Variants in FEZ1 observed in about 807,000 individuals in gnomAD.
FEZ1 encodes fasciculation and elongation protein zeta-1.
A neutral mutation model predicts 49.3 loss-of-function variants in FEZ1; 20 were observed. The ratio of observed to expected loss-of-function variants is 0.41; its 90% CI spans 0.29 to 0.59. The LOEUF is 0.59. Ranked by LOEUF, FEZ1 falls within the 20% of genes least tolerant of loss-of-function variation. The pLI is 0.36. For missense variants in FEZ1, 413 were observed against 476.0 expected (o/e 0.87, Z 1.23); for synonymous variants, 170 against 180.9 (o/e 0.94, Z 0.48).
chr11:125,465,965 A>C (rs1357602139), intron 3 of FEZ1, among the ~76,000 whole-genome samples: 1 of 152,174 alleles, frequency 6.6e-6, no homozygotes, highest in Non-Finnish European at 1.5e-5. Flanking sequence ...TCTTGTGCAC[A>C]GGGTGGAGAG....
At chr11:125,493,131 A>C (rs1041749261) in intron 1 of FEZ1, among the ~76,000 whole-genome samples, 6 of 151,242 alleles carry the variant, frequency 4.0e-5, no homozygotes, top group Non-Finnish European at 5.9e-5. Flanking sequence ...GTTCAAGACC[A>C]GCCTGGCCAA....
chr11:125,450,361 C>T (rs998514263), intron 8 of FEZ1, among the ~76,000 whole-genome samples: 3 of 152,176 alleles, frequency 2.0e-5, no homozygotes, highest in African/African-American at 7.2e-5. Context: ...TTTAGACATG[C>T]CTTCATTTCA....
chr11:125,467,751 G>A (rs1288326542), intron 3 of FEZ1, among the ~76,000 whole-genome samples: 1 of 152,164 alleles, frequency 6.6e-6, no homozygotes, highest in Non-Finnish European at 1.5e-5. Context: ...GAGGTGGGAG[G>A]ATTGCTTGAG....
chr11:125,488,593 T>C (rs1485481405), intron 2 of FEZ1: 6 of 288,270 alleles, frequency 2.1e-5, no homozygotes, highest in African/African-American at 6.9e-5. Context: ...GGCAGGAGAA[T>C]AGCTTGAACC....
chr11:125,489,933 T>C lies in FEZ1; in HGVS notation c.-45-111A>G. The C allele has an allele frequency of 1.0e-6, 1 of 978,976 alleles. No individual in the cohort carries two copies. The allele number at this position is 978,976 out of a possible 1,614,324, so 60.6% of individuals were successfully genotyped here. ...TTCCCTACTCCAAAAAACAAGGCAC[T>C]GGTTAAGTACGAAGCTCCTGGACAA... On this transcript the variant is annotated intron_variant, in intron 1 of 9. Transcript: ENST00000278919. The surrounding 1 kb of genome is among the most constrained non-coding windows in gnomAD (Gnocchi z 4.2).
At chr11:125,453,030 T>C (rs983246862) in intron 7 of FEZ1, 2 of 151,584 alleles carry the variant, frequency 1.3e-5, no homozygotes, top group African/African-American at 4.9e-5. Context: ...TGATCTCGGC[T>C]CACTGCAACC....
At position 125,443,057 on chromosome 11, in the gene FEZ1, A is replaced by G. The variant is rs76121613; in HGVS notation, c.*3038T>C. The stretch of plus-strand genomic sequence containing the variant: ...GGCCCTGTGGTGGAGTTTTCTTACC[A>G]GAACTTGACCAGACTAGGCCTAGCA... On this transcript the variant is annotated 3_prime_UTR_variant, in exon 10 of 10. Transcript: ENST00000278919. Among the ~76,000 whole-genome samples, 2,450 of 152,166 alleles carry G rather than the reference A, an allele frequency of 0.016. 64 individuals are homozygous for G. The highest frequency in any genetic ancestry group is 0.055 in the African/African-American group (2,281 of 41,520).
At position 125,471,245 on chromosome 11, in the gene FEZ1, AC is replaced by A. The variant is rs112441513; in HGVS notation, c.412-7676del. 1.7e-3 allele frequency among the ~76,000 whole-genome samples: 265 copies of A among 152,262 alleles called. 1 individual carries two copies. Among genetic ancestry groups the A allele is most frequent in the African/African-American group, 6.1e-3 (253 of 41,568 alleles). On this transcript the variant is annotated intron_variant, in intron 3 of 9. Transcript: ENST00000278919. ...AGAAATGAAGACAATACGCTCCAAC[AC>A]AAATTATCAATATTATGCCAAATGT... is the stretch of plus-strand genomic sequence containing the variant.
intron 3 of FEZ1, among the ~76,000 whole-genome samples, chr11:125,468,588 C>T (rs1340360322): frequency 2.0e-5 from 3 of 152,126 alleles, no homozygotes; most frequent in African/African-American, 7.2e-5. Flanking sequence ...CCTTCCTCCT[C>T]AAACCCTACT....
chr11:125,470,091 T>G (rs964675430), intron 3 of FEZ1, among the ~76,000 whole-genome samples: 3 of 151,990 alleles, frequency 2.0e-5, no homozygotes, highest in Admixed American at 1.3e-4. Context: ...ACATGAAAGA[T>G]GAAAATGTAT....
chr11:125,449,855 A>G (rs1371714977), intron 8 of FEZ1, among the ~76,000 whole-genome samples: 1 of 152,144 alleles, frequency 6.6e-6, no homozygotes, highest in Non-Finnish European at 1.5e-5. Flanking sequence ...AAGAATTAGG[A>G]GTGAGTGAGG....
chr11:125,460,023 G>T (rs1292152704), intron 5 of FEZ1, among the ~76,000 whole-genome samples: 1 of 152,102 alleles, frequency 6.6e-6, no homozygotes, highest in African/African-American at 2.4e-5. Context: ...TTCAACCTGG[G>T]AGGTGGAGGT....
intron 1 of FEZ1, among the ~76,000 whole-genome samples, chr11:125,490,710 TAAAA>T (rs544139616): frequency 5.9e-5 from 9 of 151,744 alleles, no homozygotes; most frequent in African/African-American, 1.9e-4. Flanking sequence ...TTTATTTTTT[TAAAA>T]AAACTAATAA....
chr11:125,449,725 T>C (rs1188510574), intron 8 of FEZ1, among the ~76,000 whole-genome samples: 3 of 152,214 alleles, frequency 2.0e-5, no homozygotes, highest in Non-Finnish European at 4.4e-5. Flanking sequence ...CAACTGGCAC[T>C]GATAGCTAGG....
intron 5 of FEZ1, among the ~76,000 whole-genome samples, chr11:125,459,183 T>A (rs1253495135): frequency 6.6e-6 from 1 of 152,220 alleles, no homozygotes; most frequent in African/African-American, 2.4e-5. Flanking sequence ...ATGTAATGGG[T>A]TCCATTCATC....
intron 2 of FEZ1, among the ~76,000 whole-genome samples, chr11:125,484,236 T>A (rs527887432): frequency 6.6e-6 from 1 of 152,368 alleles, no homozygotes; most frequent in African/African-American, 2.4e-5. Flanking sequence ...AAACATGGAT[T>A]AATTCATTCA....
At chr11:125,483,811 G>A (rs656146) in intron 2 of FEZ1, among the ~76,000 whole-genome samples, 141,918 of 152,296 alleles carry the variant, frequency 0.93, 66,205 homozygotes, top group East Asian at 1. Context: ...ACTTTAACGA[G>A]CTACACACTT....
chr11:125,479,006 G>C (rs1487366459), intron 3 of FEZ1, among the ~76,000 whole-genome samples: 1 of 152,156 alleles, frequency 6.6e-6, no homozygotes, highest in African/African-American at 2.4e-5. Flanking sequence ...TTGCGGTTTG[G>C]GTAAGTACTA....
rs1957363821 is a variant in FEZ1 at position 125,489,722 on chromosome 11, C to T, written c.56G>A (p.Cys19Tyr). The change falls in exon 2 of 10, where the codon TGC (cysteine) becomes TAC (tyrosine). Residue 19 changes from cysteine to tyrosine, a missense_variant. Cys to Tyr is a radical substitution (Grantham distance 194). Transcript: ENST00000278919. The surrounding 1 kb of genome is among the most constrained non-coding windows in gnomAD (Gnocchi z 4.2). Reference sequence around the variant, plus strand: ...GGGCTTCTCCTCCGGGTCCTCCGAGCAGGAGGGTCGAAGGTCCTCAAACTC... The same window carrying T: ...GGGCTTCTCCTCCGGGTCCTCCGAGTAGGAGGGTCGAAGGTCCTCAAACTC... ...DEEFEDLRPS[C>Y]SEDPEEKPQC... The T allele has an allele frequency of 5.0e-6, 8 of 1,602,192 alleles. No homozygotes were observed. Among genetic ancestry groups the T allele is most frequent in the Non-Finnish European group, 6.8e-6 (8 of 1,173,882 alleles).
Sources: gnomAD v4.1 joint callset for allele counts (sites outside exome capture counted in the v4.1 genomes callset) on GRCh38, gnomAD v4.1.1 for gene constraint, Gnocchi (gnomAD v3.1) non-coding constraint, MANE v1.5 for transcripts, NCBI Gene and HGNC (gene_info 2026-07-23, HGNC 2026-07-21) for gene names.